Variants in SLC5A10 observed in about 807,000 individuals in gnomAD.
SLC5A10 encodes sodium/mannose cotransporter SLC5A10.
Under a neutral mutation model 68.9 loss-of-function variants are expected in SLC5A10, and 55 were observed. That is an observed-to-expected ratio of 0.80 (90% CI 0.64 to 1.00). The LOEUF is 1.00. Ranked by LOEUF, SLC5A10 falls within the 50% of genes least tolerant of loss-of-function variation. SLC5A10 has a pLI of 0.00. For missense variants in SLC5A10, 732 were observed against 819.3 expected (o/e 0.89, Z 1.30); for synonymous variants, 344 against 344.8 (o/e 1.00, Z 0.02).
Position 19,013,492 on chromosome 17 carries a change from G to A in SLC5A10, c.1065G>A (p.Lys355=). 1 of 1,598,874 alleles carries A rather than the reference G, an allele frequency of 6.3e-7. No homozygotes were observed. Among genetic ancestry groups the A allele is most frequent in the East Asian group, 2.3e-5 (1 of 44,008 alleles). The stretch of plus-strand genomic sequence containing the variant: ...GCTGCTCCAACATCGCCTACCCCAA[G>A]CTGGTCATGGAACTGATGCCCATCG... The part of the protein sequence containing the change: ...EVGCSNIAYP[K]LVMELMPIGL... Residue 355 remains lysine (K), a synonymous_variant, in exon 10 of 15, where the codon AAG becomes AAA. Transcript: ENST00000395645.
Position 18,991,369 on chromosome 17 carries a change from G to A in SLC5A10, c.982+14380G>A, listed in dbSNP as rs181309570. On this transcript the variant is annotated intron_variant, in intron 9 of 14. Coordinates refer to ENST00000395645, the MANE Select transcript of SLC5A10 (RefSeq NM_001042450.4). Reference sequence around the variant, plus strand: ...CCCCATCTGTCAAATGGGGGTGTGGGCCTGGCTTGCCCCTGTGGTTCTATC... The same window carrying A: ...CCCCATCTGTCAAATGGGGGTGTGGACCTGGCTTGCCCCTGTGGTTCTATC... Among the ~76,000 whole-genome samples the A allele has an allele frequency of 3.5e-4, 54 of 152,352 alleles. 1 individual carries two copies. The highest frequency in any genetic ancestry group is 3.4e-3 in the Middle Eastern group (1 of 294).
chr17:18,969,553 CAGG>C, intron 7 of SLC5A10, 131 bp downstream of exon 7: 1 of 839,472 alleles, frequency 1.2e-6, no homozygotes, highest in Non-Finnish European at 1.8e-6. Flanking sequence ...TGGGTGGGTT[CAGG>C]AGGTTGAGCC....
chr17:19,016,168 CTT>C (rs2044135566), intron 11 of SLC5A10, among the ~76,000 whole-genome samples: 1 of 152,004 alleles, frequency 6.6e-6, no homozygotes, highest in African/African-American at 2.4e-5. Context: ...GTCTCAGCCT[CTT>C]GAGTAGCTGG....
At position 18,968,933 on chromosome 17, in the gene SLC5A10, TC is replaced by T; in HGVS notation, c.454-115del. On this transcript the variant is annotated intron_variant, in intron 5 of 14. Transcript: ENST00000395645. The surrounding 1 kb of genome is among the most constrained non-coding windows in gnomAD (Gnocchi z 4.1). ...GCAGGCAGGCAGGCGAGTGGGGGTC[TC>T]CCCTCCTTATCCACAGGCCACCGAG... The T allele has an allele frequency of 1.2e-6, 1 of 815,634 alleles. No individual in the cohort carries two copies. The highest frequency in any genetic ancestry group is 1.9e-6 in the Non-Finnish European group (1 of 536,064). The allele number at this position is 815,634 out of a possible 1,614,324, so 50.5% of individuals were successfully genotyped here. A position where few individuals can be genotyped will look rare whatever the true frequency, so the allele number is the denominator to read the frequency against.
chr17:19,015,244 G>A, intron 11 of SLC5A10, 45 bp downstream of exon 11: 1 of 1,279,356 alleles, frequency 7.8e-7, no homozygotes. Flanking sequence ...ACACTACAAG[G>A]GTGGGCGCCC....
intron 5 of SLC5A10, among the ~76,000 whole-genome samples, chr17:18,962,162 ACCTGG>A (rs2042625193): frequency 6.6e-6 from 1 of 152,112 alleles, no homozygotes; most frequent in East Asian, 1.9e-4. Context: ...AATAAACAAG[ACCTGG>A]CCCTGGTCTG....
rs1269843573 is a variant in SLC5A10 at position 19,003,774 on chromosome 17, GC to G, written c.983-9632del. ...CCGTCGCCGACCCCATTGTCCTCGG[GC>G]CCCTGAGAGGGGCCCGTGCCCCGAG... On this transcript the variant is annotated intron_variant, in intron 9 of 14. Coordinates refer to ENST00000395645, the MANE Select transcript of SLC5A10 (RefSeq NM_001042450.4). This position sits in a 1 kb window ranked among gnomAD's most constrained non-coding sequence, Gnocchi z 4.5. 1 of 1,609,960 alleles carries G rather than the reference GC, an allele frequency of 6.2e-7. No homozygotes were observed. The highest frequency in any genetic ancestry group is 2.2e-5 in the East Asian group (1 of 44,780).
At position 19,000,490 on chromosome 17, in the gene SLC5A10, T is replaced by C. The variant is rs1049090028; in HGVS notation, c.983-12920T>C. Among the ~76,000 whole-genome samples the C allele has an allele frequency of 2.0e-5, 3 of 152,116 alleles. No homozygotes were observed. The highest frequency in any genetic ancestry group is 7.2e-5 in the African/African-American group (3 of 41,406). The stretch of plus-strand genomic sequence containing the variant: ...TGTCCACTAGTTCCATTCTAGTCAT[T>C]TGGGAACAGGGGGGACTGACAGCAG... On this transcript the variant is annotated intron_variant, in intron 9 of 14. Transcript: ENST00000395645. The surrounding 1 kb of genome is among the most constrained non-coding windows in gnomAD (Gnocchi z 5.2).
Position 19,003,924 on chromosome 17 carries a change from C to T in SLC5A10, c.983-9486C>T, listed in dbSNP as rs1402448684. On this transcript the variant is annotated intron_variant, in intron 9 of 14. Transcript: ENST00000395645. This position sits in a 1 kb window ranked among gnomAD's most constrained non-coding sequence, Gnocchi z 4.5. ...TCGTAGAAGGCGTCCCGGCCGCGGGCCACCAGGGCCTCCAGCGCCAGCCGC... is the reference window on the plus strand; with the variant it reads ...TCGTAGAAGGCGTCCCGGCCGCGGGTCACCAGGGCCTCCAGCGCCAGCCGC... The T allele has an allele frequency of 1.9e-6, 3 of 1,612,844 alleles. No homozygotes were observed. In the African/African-American group the frequency reaches 4.0e-5, roughly 22 times the overall value.
At chr17:19,012,662 G>A (rs1164209825) in intron 9 of SLC5A10, among the ~76,000 whole-genome samples, 2 of 151,938 alleles carry the variant, frequency 1.3e-5, no homozygotes, top group African/African-American at 4.8e-5. Context: ...AGCGAGGAGG[G>A]ACTTGTGGGG....
At chr17:18,987,352 T>C (rs1421845484) in intron 9 of SLC5A10, among the ~76,000 whole-genome samples, 1 of 152,202 alleles carries the variant, frequency 6.6e-6, no homozygotes, top group Non-Finnish European at 1.5e-5. Context: ...GAGGATTAAA[T>C]TAACCAATGC....
chr17:18,991,223 T>A (rs1406954114), intron 9 of SLC5A10, among the ~76,000 whole-genome samples: 1 of 152,160 alleles, frequency 6.6e-6, no homozygotes, highest in Non-Finnish European at 1.5e-5. Flanking sequence ...GGACGGGGCC[T>A]GGTTTAAGGA....
In SLC5A10 at chr17:18,989,854, G is replaced by A. The variant is rs553063605; in HGVS notation, c.982+12865G>A. On this transcript the variant is annotated intron_variant, in intron 9 of 14. Coordinates refer to ENST00000395645, the MANE Select transcript of SLC5A10 (RefSeq NM_001042450.4). ...TGTTGGATGTCGCAAAGCAAGTTGGGCCAGGGCCTGGACCTACCTCCGAGT... is the reference window on the plus strand; with the variant it reads ...TGTTGGATGTCGCAAAGCAAGTTGGACCAGGGCCTGGACCTACCTCCGAGT... 6.8e-4 allele frequency among the ~76,000 whole-genome samples: 103 copies of A among 152,336 alleles called. 1 individual carries two copies. Among genetic ancestry groups the A allele is most frequent in the African/African-American group, 2.4e-3 (100 of 41,582 alleles).
chr17:19,015,135 A>G lies in SLC5A10; in HGVS notation c.1177A>G (p.Thr393Ala). The change falls in exon 11 of 15, where the codon ACT (threonine) becomes GCT (alanine). Residue 393 changes from threonine (T) to alanine (A), a missense_variant. By Grantham distance (58) the Thr-to-Ala change is moderately conservative (BLOSUM62 0). Coordinates refer to ENST00000395645, the MANE Select transcript of SLC5A10 (RefSeq NM_001042450.4). ...CTTCAACAGCAGCAGCACCCTCTTCACTATGGACATCTGGAGGCGGCTGCG... is the reference window on the plus strand; with the variant it reads ...CTTCAACAGCAGCAGCACCCTCTTCGCTATGGACATCTGGAGGCGGCTGCG... ...SIFNSSSTLF[T>A]MDIWRRLRPR... The G allele has an allele frequency of 6.6e-7, 1 of 1,510,128 alleles. No individual in the cohort carries two copies. The highest frequency in any genetic ancestry group is 9.1e-7 in the Non-Finnish European group (1 of 1,102,766). The allele number at this position is 1,510,128 out of a possible 1,614,324, so 93.5% of individuals were successfully genotyped here.
In SLC5A10 at chr17:18,968,715, C is replaced by A. The variant is rs758703158; in HGVS notation, c.454-337C>A. 1.5e-4 allele frequency: 42 copies of A among 287,410 alleles called. No homozygotes were observed. The highest frequency in any genetic ancestry group is 2.5e-4 in the Non-Finnish European group (38 of 153,412). The allele number at this position is 287,410 out of a possible 1,614,324, so 17.8% of individuals were successfully genotyped here. A position where few individuals can be genotyped will look rare whatever the true frequency, so the allele number is the denominator to read the frequency against. On this transcript the variant is annotated intron_variant, in intron 5 of 14. Transcript: ENST00000395645. This position sits in a 1 kb window ranked among gnomAD's most constrained non-coding sequence, Gnocchi z 4.1. ...GACTCCTCACAAACTCATCAAGGTG[C>A]CCCTGGGAACCGAGGGGACAGGGCT...
Position 18,971,865 on chromosome 17 carries a change from C to T in SLC5A10, c.846+647C>T. On this transcript the variant is annotated intron_variant, in intron 8 of 14. Coordinates refer to ENST00000395645, the MANE Select transcript of SLC5A10 (RefSeq NM_001042450.4). This position sits in a 1 kb window ranked among gnomAD's most constrained non-coding sequence, Gnocchi z 5.5. ...GCCCGGGTTCGCCTCCTGGCTCTGC[C>T]ATTCACCAGGGAGTGGGCCTAGACC... The T allele has an allele frequency of 2.6e-6, 3 of 1,141,256 alleles. No homozygotes were observed. Among genetic ancestry groups the T allele is most frequent in the Non-Finnish European group, 3.6e-6 (3 of 822,992 alleles). 70.7% of individuals were successfully genotyped at this position (1,141,256 alleles called of 1,614,324 possible).
In SLC5A10 at chr17:19,017,581, A is replaced by C; in HGVS notation, c.1242-1842A>C. The C allele has an allele frequency of 1.7e-6, 1 of 586,806 alleles. No individual in the cohort carries two copies. Among genetic ancestry groups the C allele is most frequent in the South Asian group, 2.0e-5 (1 of 49,540 alleles). The allele number at this position is 586,806 out of a possible 1,614,324, so 36.3% of individuals were successfully genotyped here. A position where few individuals can be genotyped will look rare whatever the true frequency, so the allele number is the denominator to read the frequency against. ...AGCCGTCACAGGCTGGGGGAGAGCG[A>C]TGACCCGCCCCCACTCCCGTATGCC... is the stretch of plus-strand genomic sequence containing the variant. On this transcript the variant is annotated intron_variant, in intron 11 of 14. Transcript: ENST00000395645. The surrounding 1 kb of genome is among the most constrained non-coding windows in gnomAD (Gnocchi z 5.6).
In SLC5A10 at chr17:19,003,709, G is replaced by A; in HGVS notation, c.983-9701G>A. 1.9e-6 allele frequency: 3 copies of A among 1,605,144 alleles called. No individual in the cohort carries two copies. Among genetic ancestry groups the A allele is most frequent in the Non-Finnish European group, 2.6e-6 (3 of 1,175,784 alleles). The stretch of plus-strand genomic sequence containing the variant: ...AGTACTCCAGGGAGGGCAGCGGCTC[G>A]GCCTCGATGGGGACCCCATCCGCCC... On this transcript the variant is annotated intron_variant, in intron 9 of 14. Coordinates refer to ENST00000395645, the MANE Select transcript of SLC5A10 (RefSeq NM_001042450.4). The surrounding 1 kb of genome is among the most constrained non-coding windows in gnomAD (Gnocchi z 4.5).
At position 19,003,517 on chromosome 17, in the gene SLC5A10, C is replaced by T; in HGVS notation, c.983-9893C>T. The T allele has an allele frequency of 6.6e-7, 1 of 1,526,042 alleles. No individual in the cohort carries two copies. Among genetic ancestry groups the T allele is most frequent in the Non-Finnish European group, 8.8e-7 (1 of 1,135,584 alleles). 94.5% of individuals were successfully genotyped at this position (1,526,042 alleles called of 1,614,324 possible). A position where few individuals can be genotyped will look rare whatever the true frequency, so the allele number is the denominator to read the frequency against. On this transcript the variant is annotated intron_variant, in intron 9 of 14. Coordinates refer to ENST00000395645, the MANE Select transcript of SLC5A10 (RefSeq NM_001042450.4). The surrounding 1 kb of genome is among the most constrained non-coding windows in gnomAD (Gnocchi z 4.5). Reference sequence around the variant, plus strand: ...GGCTCCAGGAGTCCCCGCGCTGCCTCACCTTCTGTGCCTGGCTGATCATCT... The same window carrying T: ...GGCTCCAGGAGTCCCCGCGCTGCCTTACCTTCTGTGCCTGGCTGATCATCT...
Sources: allele counts gnomAD v4.1 joint callset (sites outside exome capture counted in the v4.1 genomes callset), GRCh38; gene constraint gnomAD v4.1.1; non-coding constraint Gnocchi (gnomAD v3.1); transcripts MANE v1.5; gene names NCBI Gene and HGNC (gene_info 2026-07-23, HGNC 2026-07-21).